The following INPP5B variants were observed in gnomAD, a reference collection of about 807,000 sequenced individuals.
INPP5B encodes the protein inositol polyphosphate-5-phosphatase B, also known as type II inositol 1,4,5-trisphosphate 5-phosphatase.
Under a neutral mutation model 118.5 loss-of-function variants are expected in INPP5B, and 90 were observed. That is an observed-to-expected ratio of 0.76 (90% CI 0.64 to 0.90). The LOEUF (loss-of-function observed/expected upper bound fraction) is 0.90, where lower values mean the gene tolerates loss of function less well. Among genes scored for constraint, INPP5B ranks in the 40% least tolerant of loss-of-function variants. INPP5B has a pLI of 0.00. For synonymous variants in INPP5B, 385 were observed against 418.9 expected, an observed-to-expected ratio of 0.92 and a Z score of 0.99; for missense variants, 984 against 1,125.6, an observed-to-expected ratio of 0.87 and a Z score of 1.80.
At position 37,874,684 on chromosome 1, in the gene INPP5B, C is replaced by A. The variant is rs115130981; in HGVS notation, c.1789-529G>T. ...ATGGTGGCACAGCCTGTAATCCCAG[C>A]TACTGGGAGGCGGAGACAGGAGAAT... On this transcript the variant is annotated intron_variant, in intron 17 of 23. Transcript: ENST00000373024. Among the ~76,000 whole-genome samples, 842 of 152,290 alleles carry A rather than the reference C, an allele frequency of 5.5e-3. 9 individuals are homozygous for A. The highest frequency in any genetic ancestry group is 0.02 in the African/African-American group (823 of 41,546).
At chr1:37,932,642 C>T (rs1056632156) in intron 6 of INPP5B, among the ~76,000 whole-genome samples, 1 of 152,152 alleles carries the variant, frequency 6.6e-6, no homozygotes, top group Non-Finnish European at 1.5e-5. Flanking sequence ...GTTGGGATTA[C>T]AGGCGTGAGC....
intron 15 of INPP5B, among the ~76,000 whole-genome samples, chr1:37,878,861 G>A (rs1227779138): frequency 2.0e-5 from 3 of 151,340 alleles, no homozygotes; most frequent in Non-Finnish European, 4.4e-5. Context: ...TGTTGCCCAG[G>A]CTGGTCTTGA....
intron 6 of INPP5B, among the ~76,000 whole-genome samples, chr1:37,939,685 C>T (rs546898605): frequency 7.9e-5 from 12 of 151,564 alleles, no homozygotes; most frequent in Non-Finnish European, 1.6e-4. Flanking sequence ...CCTGGTGATC[C>T]ACCCGCCTTG....
Position 37,943,674 on chromosome 1 carries a change from G to C in INPP5B, c.251-5C>G. 6.2e-7 allele frequency: 1 copy of C among 1,614,012 alleles called. No individual in the cohort carries two copies. Among genetic ancestry groups the C allele is most frequent in the South Asian group, 1.1e-5 (1 of 91,072 alleles). On this transcript the variant is annotated splice_region_variant and splice_polypyrimidine_tract_variant and intron_variant, in intron 4 of 23. Transcript: ENST00000373024. Reference sequence around the variant, plus strand: ...AGAGTTCACCATCTGGGGACACTGTGGGGAGGGAAATGAGAATGCCCTTAG... The same window carrying C: ...AGAGTTCACCATCTGGGGACACTGTCGGGAGGGAAATGAGAATGCCCTTAG...
At chr1:37,897,341 G>T (rs1431726544) in intron 7 of INPP5B, among the ~76,000 whole-genome samples, 1 of 149,760 alleles carries the variant, frequency 6.7e-6, no homozygotes, top group East Asian at 2.0e-4. Context: ...TGCCGTGTCT[G>T]TGTAGAAAGA....
intron 14 of INPP5B, among the ~76,000 whole-genome samples, chr1:37,881,307 T>A (rs1003645142): frequency 3.3e-5 from 5 of 152,234 alleles, no homozygotes; most frequent in Non-Finnish European, 5.9e-5. Context: ...AAAGATTCAC[T>A]GTCAACTTAA....
At chr1:37,888,782 A>T (rs1171812579) in intron 9 of INPP5B, among the ~76,000 whole-genome samples, 3 of 152,216 alleles carry the variant, frequency 2.0e-5, no homozygotes, top group African/African-American at 7.2e-5. Context: ...TATAGTCCCA[A>T]TGCAACGATT....
At chr1:37,945,683 G>A (rs1229500133) in intron 3 of INPP5B, 73 bp downstream of exon 3, 1 of 1,034,618 alleles carries the variant, frequency 9.7e-7, no homozygotes, top group East Asian at 2.4e-5. Context: ...AGGGACAGTT[G>A]AAGTTCAGCT....
chr1:37,917,354 C>T (rs1483577976), intron 7 of INPP5B, among the ~76,000 whole-genome samples: 5 of 118,904 alleles, frequency 4.2e-5, no homozygotes, highest in South Asian at 3.1e-4. Flanking sequence ...GAAAGGGTCA[C>T]GCTCTATCAC....
chr1:37,925,186 TAAAATA>T (rs1316154577), intron 7 of INPP5B, among the ~76,000 whole-genome samples: 1 of 148,676 alleles, frequency 6.7e-6, no homozygotes, highest in Non-Finnish European at 1.5e-5. Flanking sequence ...AAAAATAAAA[TAAAATA>T]AAAATAAAAA....
chr1:37,946,408 G>T, intron 1 of INPP5B, 74 bp from the exon 2 acceptor site: 5 of 1,048,414 alleles, frequency 4.8e-6, no homozygotes, highest in South Asian at 1.4e-5. Context: ...CCTCAGAGGG[G>T]TTGGGGGCAG....
intron 7 of INPP5B, among the ~76,000 whole-genome samples, chr1:37,923,350 A>G (rs1014630889): frequency 1.3e-5 from 2 of 152,190 alleles, no homozygotes; most frequent in East Asian, 1.9e-4. Context: ...GGAAATGAAG[A>G]TAAGTTGTAG....
chr1:37,921,054 C>T (rs996914475), intron 7 of INPP5B, among the ~76,000 whole-genome samples: 2 of 151,990 alleles, frequency 1.3e-5, no homozygotes, highest in African/African-American at 2.4e-5. Flanking sequence ...TGCAGTGAGC[C>T]GAGATCGCGT....
intron 23 of INPP5B, among the ~76,000 whole-genome samples, chr1:37,863,782 C>T (rs1334384192): frequency 6.7e-6 from 1 of 149,604 alleles, no homozygotes; most frequent in African/African-American, 2.5e-5. Context: ...TGTGGTCTTT[C>T]GTTGACCAAG....
At chr1:37,916,968 G>A (rs1272506414) in intron 7 of INPP5B, among the ~76,000 whole-genome samples, 4 of 151,518 alleles carry the variant, frequency 2.6e-5, no homozygotes, top group African/African-American at 9.7e-5. Flanking sequence ...TTCTATAACT[G>A]TGTTGTCCAA....
intron 7 of INPP5B, among the ~76,000 whole-genome samples, chr1:37,914,832 T>C (rs1644813264): frequency 6.6e-6 from 1 of 152,166 alleles, no homozygotes; most frequent in Non-Finnish European, 1.5e-5. Flanking sequence ...CAGGGACCAA[T>C]GTGCTATCTC....
chr1:37,910,973 C>T (rs1570257621), intron 7 of INPP5B, among the ~76,000 whole-genome samples: 2 of 152,186 alleles, frequency 1.3e-5, no homozygotes, highest in South Asian at 2.1e-4. Flanking sequence ...CTAAAAGATG[C>T]TCCCACACTA....
intron 7 of INPP5B, among the ~76,000 whole-genome samples, chr1:37,921,074 C>A (rs1474696494): frequency 6.6e-6 from 1 of 152,132 alleles, no homozygotes; most frequent in African/African-American, 2.4e-5. Context: ...TCACTGCACT[C>A]CAGACTGGGT....
At chr1:37,945,720 T>A in intron 3 of INPP5B, 36 bp downstream of exon 3, 1 of 1,518,876 alleles carries the variant, frequency 6.6e-7, no homozygotes, top group Non-Finnish European at 9.1e-7. Context: ...AACAACCCCA[T>A]GGCCCAGACA....
Sources: gnomAD v4.1 joint callset for allele counts (sites outside exome capture counted in the v4.1 genomes callset) on GRCh38, gnomAD v4.1.1 for gene constraint, MANE v1.5 for transcripts, NCBI Gene and HGNC (gene_info 2026-07-23, HGNC 2026-07-21) for gene names.